The following TRPC5 variants were observed in gnomAD, a reference collection of about 807,000 sequenced individuals.
TRPC5 encodes short transient receptor potential channel 5.
In TRPC5, 9 loss-of-function variants were observed where a neutral mutation model predicts 56.5. The observed-to-expected ratio is 0.16, with a 90% CI of 0.10 to 0.28. The LOEUF is 0.28. TRPC5 is among the 10% of genes least tolerant of loss of function. The pLI, the probability that TRPC5 is intolerant of heterozygous loss-of-function variation, is 1.00. For missense variants in TRPC5, 469 were observed against 748.9 expected (o/e 0.63, Z 4.36); for synonymous variants, 282 against 278.5 (o/e 1.01, Z -0.13).
At chrX:112,032,999 A>G (rs1929626099) in intron 1 of TRPC5, among the ~76,000 whole-genome samples, 3 of 110,017 alleles carry the variant, frequency 2.7e-5, no homozygotes, top group African/African-American at 9.9e-5. Context: ...GACTGGATTA[A>G]GAAAATGTGG....
intron 1 of TRPC5, among the ~76,000 whole-genome samples, chrX:111,967,087 C>G (rs1379674346): frequency 8.9e-6 from 1 of 111,817 alleles, no homozygotes; most frequent in Non-Finnish European, 1.9e-5. Flanking sequence ...ACCCCATCAT[C>G]TCAGCCCAAA....
At chrX:111,944,301 TGTGA>T (rs1280771375) in intron 2 of TRPC5, among the ~76,000 whole-genome samples, 34 of 84,573 alleles carry the variant, frequency 4.0e-4, no homozygotes, top group African/African-American at 7.2e-4. Context: ...TGTGTGTGTG[TGTGA>T]GAGAGAGAGA....
intron 3 of TRPC5, among the ~76,000 whole-genome samples, chrX:111,905,782 G>T (rs918443179): frequency 9.1e-6 from 1 of 109,444 alleles, no homozygotes; most frequent in Non-Finnish European, 1.9e-5. Context: ...GGGCGTGGTG[G>T]CGGGCGCCTG....
chrX:111,860,522 G>T (rs1294322250), intron 3 of TRPC5, among the ~76,000 whole-genome samples: 1 of 112,008 alleles, frequency 8.9e-6, no homozygotes, highest in African/African-American at 3.2e-5. Flanking sequence ...ATTTGTTAAA[G>T]TTCCAAAGCT....
chrX:111,830,234 A>G (rs769492818), intron 7 of TRPC5, among the ~76,000 whole-genome samples: 1 of 112,274 alleles, frequency 8.9e-6, no homozygotes, highest in African/African-American at 3.2e-5. Context: ...GAATGGGTGT[A>G]TTTACCCAAT....
intron 7 of TRPC5, among the ~76,000 whole-genome samples, chrX:111,782,870 G>C (rs765582033): frequency 5.5e-4 from 59 of 106,695 alleles, no homozygotes; most frequent in Middle Eastern, 4.8e-3. Context: ...AGTTTTAAGA[G>C]CTGCATTGAC....
At chrX:111,799,421 C>T (rs1208360625) in intron 7 of TRPC5, among the ~76,000 whole-genome samples, 1 of 111,239 alleles carries the variant, frequency 9.0e-6, no homozygotes, top group African/African-American at 3.3e-5. Flanking sequence ...GCTGTGAGTT[C>T]AACACCAAAG....
chrX:112,008,213 G>A (rs749147774), intron 1 of TRPC5, among the ~76,000 whole-genome samples: 5 of 112,103 alleles, frequency 4.5e-5, no homozygotes, highest in Non-Finnish European at 9.4e-5. Flanking sequence ...CCAAGCTGCT[G>A]GGTCCTTGAT....
chrX:111,786,899 C>A (rs141845682), intron 7 of TRPC5, among the ~76,000 whole-genome samples: 469 of 111,545 alleles, frequency 4.2e-3, no homozygotes, highest in African/African-American at 0.015. Context: ...AATACAGGAG[C>A]ACCCAGATTC....
intron 2 of TRPC5, among the ~76,000 whole-genome samples, chrX:111,925,481 G>C (rs770252302): frequency 3.8e-4 from 43 of 112,073 alleles, no homozygotes; most frequent in Middle Eastern, 4.7e-3. Context: ...TATCTTTTGG[G>C]GGGTAATAAG....
At chrX:111,895,756 C>G (rs1925033127) in intron 3 of TRPC5, among the ~76,000 whole-genome samples, 1 of 111,558 alleles carries the variant, frequency 9.0e-6, no homozygotes. Context: ...CTTAATTTCT[C>G]TAGCTCTGTA....
At chrX:111,972,345 G>A (rs1927806409) in intron 1 of TRPC5, among the ~76,000 whole-genome samples, 1 of 111,314 alleles carries the variant, frequency 9.0e-6, no homozygotes, top group South Asian at 3.8e-4. Context: ...ATGGGGACAA[G>A]TCAATTCTGC....
At chrX:111,829,326 A>AT (rs1922338296) in intron 7 of TRPC5, among the ~76,000 whole-genome samples, 1 of 106,608 alleles carries the variant, frequency 9.4e-6, no homozygotes, top group East Asian at 2.9e-4. Context: ...AAAAAAAAAA[A>AT]GTTGGGAAAA....
intron 2 of TRPC5, among the ~76,000 whole-genome samples, chrX:111,929,666 C>T (rs1191407740): frequency 2.7e-5 from 3 of 112,347 alleles, no homozygotes; most frequent in Non-Finnish European, 3.8e-5. Flanking sequence ...ATGTCAGGCA[C>T]AGCACCTATT....
chrX:111,833,911 T>C (rs980883682), intron 7 of TRPC5, among the ~76,000 whole-genome samples: 5 of 111,719 alleles, frequency 4.5e-5, no homozygotes, highest in African/African-American at 1.6e-4. Context: ...ATTTATTTTG[T>C]ACTTTCTCTG....
At chrX:111,937,822 C>A (rs1382796844) in intron 2 of TRPC5, among the ~76,000 whole-genome samples, 8 of 104,531 alleles carry the variant, frequency 7.7e-5, no homozygotes, top group South Asian at 4.5e-4. Context: ...TTGACTTGGC[C>A]ATGCGGGCTC....
chrX:111,784,731 T>TC (rs1330263910), intron 7 of TRPC5, among the ~76,000 whole-genome samples: 3 of 112,663 alleles, frequency 2.7e-5, no homozygotes, highest in Non-Finnish European at 5.6e-5. Context: ...ACTGCACTTT[T>TC]CCCAAGGTCT....
At chrX:112,035,415 C>A (rs982285303) in intron 1 of TRPC5, among the ~76,000 whole-genome samples, 1 of 108,328 alleles carries the variant, frequency 9.2e-6, no homozygotes, top group Non-Finnish European at 1.9e-5. Flanking sequence ...GTTTCTTTAT[C>A]TTGTGTTTAG....
chrX:111,860,187 C>T (rs1371486030), intron 3 of TRPC5, among the ~76,000 whole-genome samples: 1 of 112,733 alleles, frequency 8.9e-6, no homozygotes, highest in East Asian at 2.8e-4. Context: ...GGATTACAGG[C>T]GTGAGCCACT....
Sources: allele counts gnomAD v4.1 joint callset (sites outside exome capture counted in the v4.1 genomes callset), GRCh38; gene constraint gnomAD v4.1.1; transcripts MANE v1.5; gene names NCBI Gene and HGNC (gene_info 2026-07-23, HGNC 2026-07-21).